KLHL8: variants seen among roughly 807,000 people sequenced by gnomAD.
KLHL8 encodes kelch like family member 8, also known as kelch-like protein 8.
A neutral mutation model predicts 63.5 loss-of-function variants in KLHL8; 38 were observed. The ratio of observed to expected loss-of-function variants is 0.60; its 90% confidence interval spans 0.46 to 0.78. The LOEUF is 0.78. KLHL8 is among the 30% of genes least tolerant of loss of function. The pLI, the probability that KLHL8 is intolerant of heterozygous loss-of-function variation, is 0.00. For missense variants in KLHL8, 566 were observed against 752.4 expected (o/e 0.75, Z 2.90); for synonymous variants, 224 against 254.3 (o/e 0.88, Z 1.13).
chr4:87,165,016 G>A (rs1730333313), intron 8 of KLHL8, among the ~76,000 whole-genome samples: 1 of 151,828 alleles, frequency 6.6e-6, no homozygotes, highest in Admixed American at 6.6e-5. Flanking sequence ...GGGCATGGTG[G>A]CGGGCGCCTG....
chr4:87,168,750 A>G (rs1206806393), intron 8 of KLHL8, among the ~76,000 whole-genome samples: 2 of 146,454 alleles, frequency 1.4e-5, no homozygotes, highest in East Asian at 2.0e-4. Flanking sequence ...ATATACGTGT[A>G]TATATGTGTG....
intron 6 of KLHL8, 85 bp downstream of exon 6, chr4:87,176,671 GA>G (rs769103341): frequency 2.9e-5 from 22 of 768,180 alleles, no homozygotes; most frequent in Non-Finnish European, 3.3e-5. Flanking sequence ...TTCTAAAGTA[GA>G]AAAAAAAGTT....
In KLHL8 at chr4:87,195,805, GAACA is replaced by G. The variant is rs147824172; in HGVS notation, c.-151-119_-151-116del. 378 of 289,612 alleles carry G rather than the reference GAACA, an allele frequency of 1.3e-3. 2 individuals are homozygous for G. Among genetic ancestry groups the G allele is most frequent in the African/African-American group, 7.3e-3 (333 of 45,780 alleles). 17.9% of individuals were successfully genotyped at this position (289,612 alleles called of 1,614,324 possible). A position where few individuals can be genotyped will look rare whatever the true frequency, so the allele number is the denominator to read the frequency against. ...AACTATATCAATCATATTTATAAAA[GAACA>G]AAAACTTTGTTTTTATGCTAAATAA... is the stretch of plus-strand genomic sequence containing the variant. On this transcript the variant is annotated intron_variant, in intron 1 of 9. Transcript: ENST00000273963.
At chr4:87,179,652 C>A (rs1560696349) in intron 4 of KLHL8, among the ~76,000 whole-genome samples, 1 of 151,972 alleles carries the variant, frequency 6.6e-6, no homozygotes, top group East Asian at 1.9e-4. Context: ...TGGGGCATGC[C>A]TGTAGTGCCA....
chr4:87,214,460 A>ATATATATATATATATAT (rs1732523462), intron 1 of KLHL8, among the ~76,000 whole-genome samples: 21 of 126,030 alleles, frequency 1.7e-4, no homozygotes, highest in Non-Finnish European at 2.8e-4. Flanking sequence ...ATATATATAT[A>ATATATATATATATATAT]ATTGTCATCA....
intron 2 of KLHL8, among the ~76,000 whole-genome samples, chr4:87,186,887 T>C (rs1731279106): frequency 6.6e-6 from 1 of 152,122 alleles, no homozygotes; most frequent in Non-Finnish European, 1.5e-5. Flanking sequence ...AGAGTAAATA[T>C]TTAGTAGTAT....
chr4:87,227,372 C>T (rs974484737), intron 1 of KLHL8, among the ~76,000 whole-genome samples: 11 of 152,042 alleles, frequency 7.2e-5, no homozygotes, highest in Admixed American at 5.2e-4. Context: ...CGGGGCACCA[C>T]GGTTCATGCC....
In KLHL8 at chr4:87,227,380, G is replaced by T. The variant is rs575259396; in HGVS notation, n.58-5990C>A. On this transcript the variant is annotated intron_variant and non_coding_transcript_variant, in intron 1 of 1. Coordinates refer to the KLHL8 transcript ENST00000506274. ...CTGGAGACGGGGCACCACGGTTCAT[G>T]CCTGCAATCTCAGCACTTTGGGAGG... Among the ~76,000 whole-genome samples, 3 of 152,244 alleles carry T rather than the reference G, an allele frequency of 2.0e-5. No homozygotes were observed. In the East Asian group the frequency reaches 5.8e-4, roughly 29 times the overall value.
At chr4:87,168,377 G>A (rs981705367) in intron 8 of KLHL8, among the ~76,000 whole-genome samples, 5 of 152,110 alleles carry the variant, frequency 3.3e-5, no homozygotes, top group East Asian at 1.9e-4. Flanking sequence ...AAGGAACAGC[G>A]CTTGGTGTTG....
In KLHL8 at chr4:87,195,448, G is replaced by GATCT. The variant is rs1378233247; in HGVS notation, c.88_91dup (p.Ser31Ter). 1 of 1,613,648 alleles carries GATCT rather than the reference G, an allele frequency of 6.2e-7. No individual in the cohort carries two copies. The highest frequency in any genetic ancestry group is 1.3e-5 in the African/African-American group (1 of 74,896). The stretch of plus-strand genomic sequence containing the variant: ...TTCTCCATCACCATCACTAATTGAG[G>GATCT]ATCTGTTCTTTATTTGCTGGTGCTG... On this transcript the variant is annotated stop_gained and frameshift_variant, in exon 2 of 10. Coordinates refer to ENST00000273963, the MANE Select transcript of KLHL8 (RefSeq NM_020803.5). LOFTEE classifies it high-confidence loss of function.
intron 4 of KLHL8, 123 bp from the exon 5 acceptor site, chr4:87,178,743 ATT>A: frequency 1.1e-6 from 1 of 879,326 alleles, no homozygotes; most frequent in East Asian, 3.0e-5. Context: ...ATTCAATGTT[ATT>A]ATGTTACTAG....
intron 8 of KLHL8, chr4:87,167,199 TAA>T (rs1369181351): frequency 7.5e-6 from 4 of 534,592 alleles, no homozygotes; most frequent in Non-Finnish European, 1.1e-5. Context: ...ACCCCCACAC[TAA>T]GTCTTCACCT....
intron 1 of KLHL8, among the ~76,000 whole-genome samples, chr4:87,209,931 G>T (rs1732330661): frequency 7.0e-6 from 1 of 142,798 alleles, no homozygotes; most frequent in Non-Finnish European, 1.5e-5. Context: ...TTGGCTTACT[G>T]CAATCTCTGA....
chr4:87,168,130 T>C (rs931595964), intron 8 of KLHL8, among the ~76,000 whole-genome samples: 7 of 152,240 alleles, frequency 4.6e-5, no homozygotes, highest in Admixed American at 3.3e-4. Context: ...TACTTGGTTT[T>C]GCCTAGTTAG....
chr4:87,168,813 CACAT>C (rs1222078095), intron 8 of KLHL8, among the ~76,000 whole-genome samples: 3 of 13,888 alleles, frequency 2.2e-4, no homozygotes, highest in African/African-American at 2.6e-4. Flanking sequence ...TATATACACA[CACAT>C]ATATATATAT....
intron 3 of KLHL8, among the ~76,000 whole-genome samples, chr4:87,184,560 CTCT>C (rs1560699248): frequency 1.3e-5 from 2 of 151,938 alleles, no homozygotes; most frequent in East Asian, 3.9e-4. Context: ...AATAAGAACA[CTCT>C]TCTTTTAAGT....
intron 1 of KLHL8, among the ~76,000 whole-genome samples, chr4:87,215,135 C>T (rs1183756381): frequency 1.3e-5 from 2 of 152,174 alleles, no homozygotes; most frequent in Non-Finnish European, 2.9e-5. Flanking sequence ...AGAAGCCATA[C>T]AAATCACTGA....
At chr4:87,206,234 T>C (rs745547516) in intron 1 of KLHL8, among the ~76,000 whole-genome samples, 1 of 152,194 alleles carries the variant, frequency 6.6e-6, no homozygotes, top group Non-Finnish European at 1.5e-5. Flanking sequence ...ACCTGGATTG[T>C]AGTGACTTCC....
intron 6 of KLHL8, 138 bp from the exon 7 acceptor site, chr4:87,170,753 T>C (rs1023383568): frequency 2.5e-6 from 2 of 792,028 alleles, no homozygotes; most frequent in Non-Finnish European, 4.0e-6. Context: ...TTTTTAGATC[T>C]ATCAAAGCTT....
Sources: gnomAD v4.1 joint callset for allele counts (sites outside exome capture counted in the v4.1 genomes callset) on GRCh38, gnomAD v4.1.1 for gene constraint, MANE v1.5 for transcripts, NCBI Gene and HGNC (gene_info 2026-07-23, HGNC 2026-07-21) for gene names.